The following KIAA1671 variants were observed in gnomAD, a reference collection of about 807,000 sequenced individuals.
KIAA1671 encodes the protein uncharacterized protein KIAA1671.
Under a neutral mutation model 131.2 loss-of-function variants are expected in KIAA1671, and 52 were observed. That is an observed-to-expected ratio of 0.40 (90% confidence interval 0.32 to 0.50). The LOEUF is 0.50. Among genes scored for constraint, KIAA1671 ranks in the 20% least tolerant of loss-of-function variants. KIAA1671 has a pLI of 0.73. For missense variants in KIAA1671, 2,360 were observed against 2,364.2 expected (o/e 1.00, Z 0.04); for synonymous variants, 1,003 against 961.6 (o/e 1.04, Z -0.80).
chr22:25,182,285 C>T (rs1934316302), intron 10 of KIAA1671, among the ~76,000 whole-genome samples: 1 of 151,176 alleles, frequency 6.6e-6, no homozygotes, highest in African/African-American at 2.4e-5. Flanking sequence ...TCCCTCCCTT[C>T]CTACCTCTTT....
chr22:24,991,108 C>T (rs1345188467), intron 1 of KIAA1671, among the ~76,000 whole-genome samples: 1 of 152,196 alleles, frequency 6.6e-6, no homozygotes, highest in African/African-American at 2.4e-5. Context: ...CAACCTCCGC[C>T]TTCCGGGTTC....
intron 6 of KIAA1671, among the ~76,000 whole-genome samples, chr22:25,069,633 C>T (rs142975256): frequency 1.3e-5 from 2 of 152,284 alleles, no homozygotes; most frequent in African/African-American, 2.4e-5. Context: ...CTCTGGGCCT[C>T]GGTTTTCCTC....
chr22:25,151,270 T>C (rs1933029233), intron 6 of KIAA1671, among the ~76,000 whole-genome samples: 1 of 150,902 alleles, frequency 6.6e-6, no homozygotes, highest in Non-Finnish European at 1.5e-5. Flanking sequence ...CTGTATCCTT[T>C]AAGAATTTTT....
chr22:25,157,646 G>A (rs1933288187), intron 6 of KIAA1671, among the ~76,000 whole-genome samples: 2 of 151,990 alleles, frequency 1.3e-5, no homozygotes, highest in African/African-American at 4.8e-5. Flanking sequence ...CTCCATGCAA[G>A]AGTGCCACAG....
intron 1 of KIAA1671, among the ~76,000 whole-genome samples, chr22:24,987,172 T>TTA (rs1463964894): frequency 2.1e-5 from 3 of 140,294 alleles, no homozygotes; most frequent in Non-Finnish European, 3.2e-5. Context: ...ATTATTATTA[T>TTA]TTTTTTTTTT....
chr22:25,023,583 A>G (rs2123894617), intron 1 of KIAA1671: 1 of 152,340 alleles, frequency 6.6e-6, no homozygotes, highest in South Asian at 2.1e-4. Flanking sequence ...GTTAAATGAA[A>G]ACCTGAGAAT....
Position 25,040,266 on chromosome 22 carries a change from T to G in KIAA1671, c.3136T>G (p.Ser1046Ala). Residue 1046 changes from serine (S) to alanine (A), a missense_variant, in exon 5 of 13, where the codon TCA (serine) becomes GCA (alanine). Ser to Ala is a moderately conservative substitution (Grantham distance 99, BLOSUM62 1). Coordinates refer to ENST00000358431, the MANE Select transcript of KIAA1671 (RefSeq NM_001145206.2). ...NTQKAKGVVL[S>A]GAESLLEHSR... is the part of the protein sequence containing the mutation. ...TCAAAAGGCAAAGGGTGTGGTTCTGTCAGGAGCTGAAAGCTTGCTGGAACA... is the reference window on the plus strand; with the variant it reads ...TCAAAAGGCAAAGGGTGTGGTTCTGGCAGGAGCTGAAAGCTTGCTGGAACA... 1.3e-6 allele frequency: 2 copies of G among 1,551,688 alleles called. No homozygotes were observed. Among genetic ancestry groups the G allele is most frequent in the Non-Finnish European group, 1.7e-6 (2 of 1,147,004 alleles).
At chr22:25,009,253 CT>C (rs35147267) in intron 1 of KIAA1671, among the ~76,000 whole-genome samples, 751 of 62,782 alleles carry the variant, frequency 0.012, 7 homozygotes, top group East Asian at 0.04. Flanking sequence ...CCCTTCCCCA[CT>C]TTTTTTTTTT....
rs1187679524 is a variant in KIAA1671 at position 25,028,252 on chromosome 22, C to T, written c.253C>T (p.Arg85Trp). 4.0e-5 allele frequency: 62 copies of T among 1,551,472 alleles called. No homozygotes were observed. Among genetic ancestry groups the T allele is most frequent in the Non-Finnish European group, 5.0e-5 (57 of 1,147,008 alleles). ...CGTGAAATCTCCTGTCCCGTCTCTG[C>T]GGCCCAGTTCGACTGGACCTTCCCC... is the stretch of plus-strand genomic sequence containing the variant. ...QDVKSPVPSL[R>W]PSSTGPSPSG... Residue 85 changes from arginine (R) to tryptophan (W), a missense_variant, in exon 3 of 13, where the codon CGG (arginine) becomes TGG (tryptophan). Transcript: ENST00000358431.
At chr22:24,981,313 A>G (rs1399758550) in intron 1 of KIAA1671, among the ~76,000 whole-genome samples, 1 of 152,148 alleles carries the variant, frequency 6.6e-6, no homozygotes, top group Non-Finnish European at 1.5e-5. Flanking sequence ...GGTGCCCCCA[A>G]GGAGAGCTGG....
chr22:25,087,785 T>C (rs1393042753), intron 6 of KIAA1671, among the ~76,000 whole-genome samples: 1 of 152,080 alleles, frequency 6.6e-6, no homozygotes, highest in Non-Finnish European at 1.5e-5. Flanking sequence ...ACAAAATAAG[T>C]CCTACTTCAG....
intron 3 of KIAA1671, among the ~76,000 whole-genome samples, chr22:25,030,226 T>C (rs1926208822): frequency 6.6e-6 from 1 of 152,234 alleles, no homozygotes; most frequent in African/African-American, 2.4e-5. Flanking sequence ...AATGATGTTC[T>C]AAGTCAGTTG....
intron 1 of KIAA1671, among the ~76,000 whole-genome samples, chr22:25,015,630 G>T (rs1925271608): frequency 6.6e-6 from 1 of 152,180 alleles, no homozygotes; most frequent in Non-Finnish European, 1.5e-5. Context: ...GCATATTAAA[G>T]GTTCTGAAAA....
chr22:25,089,544 G>A (rs1194219321), intron 6 of KIAA1671, among the ~76,000 whole-genome samples: 1 of 152,044 alleles, frequency 6.6e-6, no homozygotes, highest in East Asian at 1.9e-4. Context: ...AAAGTGCTGG[G>A]ATTACAGGAA....
chr22:25,084,631 A>G (rs1929605973), intron 6 of KIAA1671, among the ~76,000 whole-genome samples: 2 of 152,220 alleles, frequency 1.3e-5, no homozygotes, highest in African/African-American at 4.8e-5. Context: ...CAAACCAACC[A>G]CTGTTCATTA....
chr22:25,176,750 G>A (rs118066044), intron 8 of KIAA1671: 4,530 of 152,254 alleles, frequency 0.03, 110 homozygotes, highest in Middle Eastern at 0.044. Flanking sequence ...CACTGGGGGG[G>A]CCCTCACCAA....
intron 11 of KIAA1671, among the ~76,000 whole-genome samples, chr22:25,189,126 C>CTTTTTTTTTTTTTTTTTTGGTTTTTTTT (rs1934577800): frequency 8.7e-6 from 1 of 114,886 alleles, no homozygotes; most frequent in Non-Finnish European, 1.8e-5. Flanking sequence ...CAGTCTTTTT[C>CTTTTTTTTTTTTTTTTTTGGTTTTTTTT]TTTTTTTTTT....
intron 6 of KIAA1671, among the ~76,000 whole-genome samples, chr22:25,072,070 G>T (rs896916005): frequency 2.0e-5 from 3 of 152,174 alleles, no homozygotes; most frequent in Non-Finnish European, 4.4e-5. Flanking sequence ...TAGGGTAGGG[G>T]TCCAGGGAAG....
Position 25,117,585 on chromosome 22 carries a change from CCACACACACACACA to C in KIAA1671, c.4531-53196_4531-53183del, listed in dbSNP as rs4049524. ...CAGCAGGGCTCAGCATCTCCCCCAA[CCACACACACACACA>C]CACACACACACACACACACACACAC... On this transcript the variant is annotated intron_variant, in intron 6 of 12. Transcript: ENST00000358431. 2.0e-3 allele frequency among the ~76,000 whole-genome samples: 252 copies of C among 123,894 alleles called. 2 individuals carry two copies. The highest frequency in any genetic ancestry group is 5.6e-3 in the East Asian group (23 of 4,092). 81.3% of individuals were successfully genotyped at this position (123,894 alleles called of 152,430 possible). A position where few individuals can be genotyped will look rare whatever the true frequency, so the allele number is the denominator to read the frequency against.
Sources: gnomAD v4.1 joint callset for allele counts (sites outside exome capture counted in the v4.1 genomes callset) on GRCh38, gnomAD v4.1.1 for gene constraint, MANE v1.5 for transcripts, NCBI Gene and HGNC (gene_info 2026-07-23, HGNC 2026-07-21) for gene names.